CEP112: variants seen among roughly 807,000 people sequenced by gnomAD.
CEP112 encodes centrosomal protein 112, also known as centrosomal protein of 112 kDa.
Under a neutral mutation model 153.0 loss-of-function variants are expected in CEP112, and 127 were observed. The observed-to-expected ratio is 0.83, with a 90% CI of 0.72 to 0.96. The LOEUF is 0.96. Among genes scored for constraint, CEP112 ranks in the 40% least tolerant of loss-of-function variants. CEP112 has a pLI of 0.00. For synonymous variants in CEP112, 358 were observed against 374.4 expected (o/e 0.96, Z 0.51); for missense variants, 1,089 against 1,101.2 (o/e 0.99, Z 0.16).
intron 18 of CEP112, among the ~76,000 whole-genome samples, chr17:65,946,724 AT>A (rs534370959): frequency 1.3e-5 from 2 of 151,970 alleles, no homozygotes; most frequent in African/African-American, 4.8e-5. Context: ...ATTTTTTAAA[AT>A]TTTTTTTATT....
chr17:66,123,215 G>A (rs1308980148), intron 6 of CEP112, among the ~76,000 whole-genome samples: 3 of 152,164 alleles, frequency 2.0e-5, no homozygotes, highest in Non-Finnish European at 2.9e-5. Context: ...ATCAGTCTTG[G>A]CTGAGTGGAG....
chr17:65,785,719 TA>T (rs1276276617), intron 21 of CEP112, among the ~76,000 whole-genome samples: 2 of 152,228 alleles, frequency 1.3e-5, no homozygotes, highest in Non-Finnish European at 2.9e-5. Flanking sequence ...CATGAAAATT[TA>T]CTTGCATGTT....
intron 16 of CEP112, among the ~76,000 whole-genome samples, chr17:66,023,927 C>T (rs990094537): frequency 6.6e-6 from 1 of 152,046 alleles, no homozygotes. Flanking sequence ...TAATAAAATA[C>T]TAAGAAATCA....
At chr17:66,004,413 C>T (rs958306779) in intron 17 of CEP112, among the ~76,000 whole-genome samples, 2 of 152,174 alleles carry the variant, frequency 1.3e-5, no homozygotes, top group Admixed American at 6.5e-5. Context: ...ATCACTTGAA[C>T]CCAAGAGGCG....
intron 16 of CEP112, among the ~76,000 whole-genome samples, chr17:66,014,411 C>T (rs567804097): frequency 2.6e-5 from 4 of 152,128 alleles, no homozygotes; most frequent in Non-Finnish European, 4.4e-5. Context: ...TAAGACTGGC[C>T]CCATCTGCTC....
chr17:65,671,636 T>C (rs1330368279), intron 24 of CEP112, among the ~76,000 whole-genome samples: 1 of 152,162 alleles, frequency 6.6e-6, no homozygotes, highest in Non-Finnish European at 1.5e-5. Flanking sequence ...AGTATGTATG[T>C]GTGTATGTAC....
chr17:66,123,682 T>C (rs557981247), intron 6 of CEP112, among the ~76,000 whole-genome samples: 7 of 152,238 alleles, frequency 4.6e-5, no homozygotes, highest in Admixed American at 6.5e-5. Context: ...TTTCATGCTG[T>C]AAATTTCCCA....
intron 20 of CEP112, among the ~76,000 whole-genome samples, chr17:65,875,397 T>C (rs1235806916): frequency 6.6e-6 from 1 of 152,160 alleles, no homozygotes; most frequent in East Asian, 1.9e-4. Flanking sequence ...TTATGACTTA[T>C]GACTACCCAT....
At chr17:65,800,752 T>C (rs1232762798) in intron 21 of CEP112, among the ~76,000 whole-genome samples, 1 of 152,226 alleles carries the variant, frequency 6.6e-6, no homozygotes, top group East Asian at 1.9e-4. Context: ...CAATGTGTAT[T>C]CATGTCTTTT....
intron 11 of CEP112, among the ~76,000 whole-genome samples, chr17:66,054,970 T>C (rs12948070): frequency 0.41 from 62,406 of 151,836 alleles, 14,282 homozygotes; most frequent in East Asian, 0.87. Flanking sequence ...GTTGGTCAGC[T>C]TGGTCTCGAA....
chr17:65,868,626 A>T (rs2058557313), intron 20 of CEP112, among the ~76,000 whole-genome samples: 1 of 152,202 alleles, frequency 6.6e-6, no homozygotes, highest in South Asian at 2.1e-4. Context: ...AAAAAACAGA[A>T]TATATTAGGA....
Position 66,131,178 on chromosome 17 carries a change from A to G in CEP112, c.565-1355T>C, listed in dbSNP as rs188101562. 2.6e-3 allele frequency among the ~76,000 whole-genome samples: 399 copies of G among 152,192 alleles called. 2 individuals are homozygous for G. Among genetic ancestry groups the G allele is most frequent in the African/African-American group, 8.8e-3 (367 of 41,518 alleles). On this transcript the variant is annotated intron_variant, in intron 5 of 26. Coordinates refer to ENST00000535342, the MANE Select transcript of CEP112 (RefSeq NM_001199165.4). Reference sequence around the variant, plus strand: ...TCTTCATATTTTACTGAGTTTCTACATTTCTTTTCAATACAATACTGCATT... The same window carrying G: ...TCTTCATATTTTACTGAGTTTCTACGTTTCTTTTCAATACAATACTGCATT...
chr17:66,040,582 C>T (rs1303446817), intron 12 of CEP112, among the ~76,000 whole-genome samples: 2 of 150,362 alleles, frequency 1.3e-5, no homozygotes, highest in African/African-American at 4.9e-5. Flanking sequence ...CTGCAGGCTC[C>T]ACCTACTGGT....
chr17:66,174,733 T>C (rs867871387), intron 4 of CEP112, among the ~76,000 whole-genome samples: 1 of 152,214 alleles, frequency 6.6e-6, no homozygotes. Context: ...ACAAATATTG[T>C]TCAAGGTGGA....
At chr17:65,684,111 C>T (rs999734405) in intron 24 of CEP112, among the ~76,000 whole-genome samples, 1 of 152,146 alleles carries the variant, frequency 6.6e-6, no homozygotes, top group African/African-American at 2.4e-5. Context: ...TTATACACAT[C>T]CCATTTACTC....
At chr17:66,003,986 A>G (rs1429065341) in intron 17 of CEP112, among the ~76,000 whole-genome samples, 1 of 109,036 alleles carries the variant, frequency 9.2e-6, no homozygotes, top group Non-Finnish European at 2.0e-5. Flanking sequence ...CCCCTTCCTT[A>G]GATTTATAAA....
intron 24 of CEP112, among the ~76,000 whole-genome samples, chr17:65,663,849 A>G (rs1244915271): frequency 2.0e-5 from 3 of 152,208 alleles, no homozygotes; most frequent in East Asian, 1.9e-4. Context: ...GATCGGGACC[A>G]TCTTGGCTAA....
chr17:65,942,706 G>A (rs1039647730), intron 18 of CEP112, among the ~76,000 whole-genome samples: 5 of 152,166 alleles, frequency 3.3e-5, no homozygotes, highest in Admixed American at 3.3e-4. Context: ...CATCTACAAA[G>A]TAAGAGTATA....
At chr17:65,942,796 G>GC (rs1488500816) in intron 18 of CEP112, among the ~76,000 whole-genome samples, 5 of 152,098 alleles carry the variant, frequency 3.3e-5, no homozygotes, top group Non-Finnish European at 7.4e-5. Context: ...TATTGGATGA[G>GC]CATCTGGCAG....
Sources: allele counts gnomAD v4.1 joint callset (sites outside exome capture counted in the v4.1 genomes callset), GRCh38; gene constraint gnomAD v4.1.1; transcripts MANE v1.5; gene names NCBI Gene and HGNC (gene_info 2026-07-23, HGNC 2026-07-21).